The following LGSN variants were observed in gnomAD, a reference collection of about 807,000 sequenced individuals.
LGSN encodes lengsin.
In LGSN, 21 loss-of-function variants were observed where a neutral mutation model predicts 19.5. The observed-to-expected ratio is 1.07, with a 90% CI of 0.76 to 1.55. The LOEUF (loss-of-function observed/expected upper bound fraction) is 1.55, where lower values mean the gene tolerates loss of function less well. Ranked by LOEUF, LGSN falls within the 40% of genes most tolerant of loss-of-function variation. LGSN has a pLI of 0.00. For synonymous variants in LGSN, 257 were observed against 215.6 expected, an observed-to-expected ratio of 1.19 and a Z score of -1.68; for missense variants, 673 against 608.5, an observed-to-expected ratio of 1.11 and a Z score of -1.12.
the LGSN span, among the ~76,000 whole-genome samples, chr6:63,560,769 G>A: frequency 8.3e-3 from 1,263 of 152,230 alleles, 14 homozygotes; most frequent in African/African-American, 0.028. Context: ...CGCTGTAAAA[G>A]TTTTTAAATG....
At chr6:63,497,161 G>A in the LGSN span, among the ~76,000 whole-genome samples, 1 of 151,762 alleles carries the variant, frequency 6.6e-6, no homozygotes, top group South Asian at 2.1e-4. Context: ...ATTTTTTGTC[G>A]AGATGGGGTA....
chr6:63,531,299 G>T, the LGSN span, among the ~76,000 whole-genome samples: 2 of 152,112 alleles, frequency 1.3e-5, no homozygotes. Context: ...GGAATGAAGG[G>T]CAAATACCGA....
At chr6:63,432,179 GAAAGAAAAGA>G in the LGSN span, among the ~76,000 whole-genome samples, 1,685 of 113,636 alleles carry the variant, frequency 0.015, 83 homozygotes, top group African/African-American at 0.029. Flanking sequence ...GAAAAGGAAA[GAAAGAAAAGA>G]AAAGAAAAGA....
At chr6:63,556,748 TA>T in the LGSN span, among the ~76,000 whole-genome samples, 1 of 152,206 alleles carries the variant, frequency 6.6e-6, no homozygotes, top group Non-Finnish European at 1.5e-5. Flanking sequence ...TTTCAAAGAA[TA>T]AAAAGTATGA....
the LGSN span, among the ~76,000 whole-genome samples, chr6:63,352,004 T>TTAA: frequency 6.6e-6 from 1 of 152,210 alleles, no homozygotes; most frequent in Admixed American, 6.5e-5. Context: ...CTCGTAGATA[T>TTAA]GGTACTTAAG....
At chr6:63,359,946 T>A in the LGSN span, among the ~76,000 whole-genome samples, 1 of 152,220 alleles carries the variant, frequency 6.6e-6, no homozygotes, top group Non-Finnish European at 1.5e-5. Context: ...GGATATGAAA[T>A]TCTGGGTTGA....
At chr6:63,439,744 C>A in the LGSN span, among the ~76,000 whole-genome samples, 1 of 152,106 alleles carries the variant, frequency 6.6e-6, no homozygotes, top group Non-Finnish European at 1.5e-5. Flanking sequence ...TTGGAATTCC[C>A]TCTGGTAGAA....
chr6:63,304,966 G>A (rs1027277884), intron 1 of LGSN, among the ~76,000 whole-genome samples: 2 of 152,144 alleles, frequency 1.3e-5, no homozygotes, highest in Non-Finnish European at 1.5e-5. Context: ...TCATCTAGGT[G>A]AGAACCTGAC....
the LGSN span, among the ~76,000 whole-genome samples, chr6:63,431,691 T>C: frequency 7.1e-6 from 1 of 140,810 alleles, no homozygotes; most frequent in Non-Finnish European, 1.6e-5. Flanking sequence ...TAACTAAATG[T>C]AACATCTTAC....
chr6:63,490,770 G>A, the LGSN span, among the ~76,000 whole-genome samples: 4 of 152,072 alleles, frequency 2.6e-5, no homozygotes, highest in Admixed American at 2.0e-4. Context: ...TGGAGGCTGA[G>A]AAGTCTCATG....
the LGSN span, among the ~76,000 whole-genome samples, chr6:63,487,487 T>TGGC: frequency 6.6e-6 from 1 of 152,228 alleles, no homozygotes; most frequent in Non-Finnish European, 1.5e-5. Flanking sequence ...ATGCCAAAAT[T>TGGC]ATCTTTCAAC....
At chr6:63,426,502 GATTT>G in the LGSN span, among the ~76,000 whole-genome samples, 24 of 151,856 alleles carry the variant, frequency 1.6e-4, 1 homozygote, top group South Asian at 1.9e-3. Context: ...AAGTTATTTA[GATTT>G]ATTTATTTAT....
the LGSN span, among the ~76,000 whole-genome samples, chr6:63,380,478 A>G: frequency 6.6e-6 from 1 of 152,236 alleles, no homozygotes; most frequent in African/African-American, 2.4e-5. Flanking sequence ...CCTTTTTGGT[A>G]GACAGCGTCA....
chr6:63,556,321 G>T, the LGSN span, among the ~76,000 whole-genome samples: 42 of 145,892 alleles, frequency 2.9e-4, no homozygotes, highest in African/African-American at 3.5e-4. Flanking sequence ...ATCAAACTTG[G>T]TTTTTTTTTT....
chr6:63,304,245 A>C (rs1319145477), intron 1 of LGSN, among the ~76,000 whole-genome samples: 4 of 152,232 alleles, frequency 2.6e-5, no homozygotes, highest in Non-Finnish European at 4.4e-5. Context: ...GTTAAATAAA[A>C]CATTGCCAAG....
At chr6:63,524,174 G>A in the LGSN span, among the ~76,000 whole-genome samples, 1 of 151,986 alleles carries the variant, frequency 6.6e-6, no homozygotes, top group African/African-American at 2.4e-5. Flanking sequence ...GAGTAGAGAT[G>A]GAGTTTTACC....
the LGSN span, among the ~76,000 whole-genome samples, chr6:63,355,611 C>A: frequency 2.0e-5 from 3 of 152,306 alleles, no homozygotes; most frequent in East Asian, 3.9e-4. Context: ...GCCTTTCTCT[C>A]GCTTCTAGTC....
the LGSN span, among the ~76,000 whole-genome samples, chr6:63,373,653 C>G: frequency 1.3e-5 from 2 of 152,006 alleles, no homozygotes; most frequent in Non-Finnish European, 2.9e-5. Context: ...GTGACCCTGA[C>G]GAGAATTATT....
At chr6:63,493,662 A>G in the LGSN span, among the ~76,000 whole-genome samples, 3 of 151,386 alleles carry the variant, frequency 2.0e-5, no homozygotes, top group Non-Finnish European at 4.4e-5. Flanking sequence ...CAGTACCATG[A>G]CTATAGATTC....
Sources: allele counts gnomAD v4.1 joint callset (sites outside exome capture counted in the v4.1 genomes callset), GRCh38; gene constraint gnomAD v4.1.1; transcripts MANE v1.5; gene names NCBI Gene and HGNC (gene_info 2026-07-23, HGNC 2026-07-21).